Variants in GOLGB1 observed in about 807,000 individuals in gnomAD.
The protein encoded by GOLGB1 is golgin B1, also known as golgin subfamily B member 1.
In GOLGB1, 174 loss-of-function variants were observed where a neutral mutation model predicts 336.9. The ratio of observed to expected loss-of-function variants is 0.52; its 90% CI spans 0.46 to 0.59. GOLGB1 has a LOEUF of 0.59. GOLGB1 is among the 20% of genes least tolerant of loss of function. The pLI is 0.00. For missense variants in GOLGB1, 3,331 were observed against 3,645.3 expected (o/e 0.91, Z 2.22); for synonymous variants, 1,208 against 1,289.2 (o/e 0.94, Z 1.35).
intron 14 of GOLGB1, among the ~76,000 whole-genome samples, chr3:121,684,132 A>AAAAAAAAAAAAC (rs1941442686): frequency 6.8e-6 from 1 of 146,936 alleles, no homozygotes; most frequent in East Asian, 1.9e-4. Context: ...CGTCTCAAAA[A>AAAAAAAAAAAAC]AAAAAAAAAA....
chr3:121,692,024 A>G lies in GOLGB1; in HGVS notation c.7340T>C (p.Met2447Thr), dbSNP rs768207715. The change falls in exon 14 of 22, where the codon ATG (methionine) becomes ACG (threonine). Residue 2447 changes from methionine to threonine, a missense_variant. By Grantham distance (81) the Met-to-Thr change is moderately conservative. Coordinates refer to ENST00000614479, the MANE Select transcript of GOLGB1 (RefSeq NM_001366282.2). ...CTTTTTGATGGTTTTCAGTGTTTCC[A>G]TAAGCTGATTGGTTTTATCAACAGC... ...KKAVDKTNQL[M>T]ETLKTIKKEN... 2.5e-6 allele frequency: 4 copies of G among 1,613,440 alleles called. No homozygotes were observed. The South Asian group carries it at 4.4e-5, about 18-fold the overall frequency.
At chr3:121,672,392 AT>A (rs1344458927) in intron 17 of GOLGB1, among the ~76,000 whole-genome samples, 2 of 151,452 alleles carry the variant, frequency 1.3e-5, no homozygotes, top group Admixed American at 6.6e-5. Flanking sequence ...GATGCTGAGT[AT>A]TTTTTTTTAT....
In GOLGB1 at chr3:121,692,154, T is replaced by C. The variant is rs142945990; in HGVS notation, c.7210A>G (p.Ile2404Val). ...TCATGTTGCTGACGCAGTTCAGCAA[T>C]AGCTACTTGGATTGCCTCTTCCTTG... ...SGKEEAIQVA[I>V]AELRQQHDKE... The change falls in exon 14 of 22, where the codon ATT becomes GTT. Residue 2404 changes from isoleucine (I) to valine (V), a missense_variant. By Grantham distance (29) the Ile-to-Val change is conservative. Coordinates refer to ENST00000614479, the MANE Select transcript of GOLGB1 (RefSeq NM_001366282.2). 6 of 1,610,466 alleles carry C rather than the reference T, an allele frequency of 3.7e-6. No individual in the cohort carries two copies. The highest frequency in any genetic ancestry group is 5.1e-6 in the Non-Finnish European group (6 of 1,178,954).
intron 10 of GOLGB1, among the ~76,000 whole-genome samples, chr3:121,706,734 A>AG (rs1943878019): frequency 2.3e-5 from 1 of 42,688 alleles, no homozygotes; most frequent in Admixed American, 3.8e-4. Flanking sequence ...ACTCTGTCTC[A>AG]AAAAAAAAAA....
chr3:121,664,263 C>G lies in GOLGB1; in HGVS notation c.*217G>C. Reference sequence around the variant, plus strand: ...ATGTGATTCTCAGATTAAGCAGAAGCGTTCAGGCTCAGGGCAGTAGAAGAA... The same window carrying G: ...ATGTGATTCTCAGATTAAGCAGAAGGGTTCAGGCTCAGGGCAGTAGAAGAA... On this transcript the variant is annotated 3_prime_UTR_variant, in exon 22 of 22. Coordinates refer to ENST00000614479, the MANE Select transcript of GOLGB1 (RefSeq NM_001366282.2). 1 of 562,430 alleles carries G rather than the reference C, an allele frequency of 1.8e-6. No individual in the cohort carries two copies. 34.8% of individuals were successfully genotyped at this position (562,430 alleles called of 1,614,324 possible).
At chr3:121,741,483 T>G (rs1389314877) in intron 1 of GOLGB1, among the ~76,000 whole-genome samples, 1 of 152,208 alleles carries the variant, frequency 6.6e-6, no homozygotes, top group Non-Finnish European at 1.5e-5. Flanking sequence ...GGCCATACCA[T>G]CCTGAACACA....
In GOLGB1 at chr3:121,697,400, T is replaced by C. The variant is rs1236742021; in HGVS notation, c.3123A>G (p.Glu1041=). Residue 1041 remains glutamate, a synonymous_variant, in exon 13 of 22, where the codon GAA becomes GAG. Coordinates refer to ENST00000614479, the MANE Select transcript of GOLGB1 (RefSeq NM_001366282.2). ...EIPLSETERG[E]VEEDKENKEY... ...CTTTGTTTTCTTTATCTTCTTCCACTTCTCCCCTCTCAGTCTCACTGAGTG... is the reference window on the plus strand; with the variant it reads ...CTTTGTTTTCTTTATCTTCTTCCACCTCTCCCCTCTCAGTCTCACTGAGTG... 6.2e-7 allele frequency: 1 copy of C among 1,613,498 alleles called. No individual in the cohort carries two copies. The highest frequency in any genetic ancestry group is 1.7e-5 in the Admixed American group (1 of 60,006).
rs560504995 is a variant in GOLGB1, at chr3:121,684,060, G to A, written c.8695-2195C>T. ...GGAGAATCGCTTGAATTCAGGAGGC[G>A]GAGGTTGCAGTAAGCCAAGATCATG... is the stretch of plus-strand genomic sequence containing the variant. On this transcript the variant is annotated intron_variant, in intron 14 of 21. Coordinates refer to ENST00000614479, the MANE Select transcript of GOLGB1 (RefSeq NM_001366282.2). 1.8e-4 allele frequency among the ~76,000 whole-genome samples: 26 copies of A among 147,092 alleles called. No homozygotes were observed. The South Asian group carries it at 2.4e-3, about 13-fold the overall frequency.
At chr3:121,706,063 C>T (rs972759289) in intron 10 of GOLGB1, among the ~76,000 whole-genome samples, 2 of 151,264 alleles carry the variant, frequency 1.3e-5, no homozygotes, top group Admixed American at 6.6e-5. Flanking sequence ...ACTTGAACCC[C>T]GGAGGCAGAG....
At chr3:121,700,074 A>T (rs1316077613) in intron 11 of GOLGB1, among the ~76,000 whole-genome samples, 189 bp from the exon 12 acceptor site, 2 of 152,134 alleles carry the variant, frequency 1.3e-5, no homozygotes, top group Non-Finnish European at 2.9e-5. Flanking sequence ...AAGATAGAAC[A>T]GTACTAGGTG....
intron 1 of GOLGB1, among the ~76,000 whole-genome samples, chr3:121,746,275 T>G (rs906983023): frequency 6.6e-6 from 1 of 152,134 alleles, no homozygotes; most frequent in Non-Finnish European, 1.5e-5. Context: ...AATAACACAT[T>G]CGATATTATG....
rs984152677 is a variant in GOLGB1 at position 121,706,075 on chromosome 3, T to C, written c.1405-3480A>G. Among the ~76,000 whole-genome samples, 63 of 151,792 alleles carry C rather than the reference T, an allele frequency of 4.2e-4. 1 individual carries two copies. Among genetic ancestry groups the C allele is most frequent in the African/African-American group, 1.5e-3 (63 of 41,382 alleles). ...ATCACTTGAACCCCGGAGGCAGAGG[T>C]TGCAGTGAGCTGAGACTGCATCAAT... On this transcript the variant is annotated intron_variant, in intron 10 of 21. Coordinates refer to ENST00000614479, the MANE Select transcript of GOLGB1 (RefSeq NM_001366282.2).
At position 121,692,553 on chromosome 3, in the gene GOLGB1, A is replaced by G; in HGVS notation, c.6811T>C (p.Ser2271Pro). 1 of 1,594,742 alleles carries G rather than the reference A, an allele frequency of 6.3e-7. No individual in the cohort carries two copies. The highest frequency in any genetic ancestry group is 8.5e-7 in the Non-Finnish European group (1 of 1,173,552). ...RLEHDKQIWE[S>P]KAQTEVQLQQ... ...AGCTGGACCTCTGTCTGGGCCTTGG[A>G]CTCCCAAATCTGCTTGTCATGTTCA... is the stretch of plus-strand genomic sequence containing the variant. The change falls in exon 14 of 22, where the codon TCC becomes CCC. Residue 2271 changes from serine (S) to proline (P), a missense_variant. By Grantham distance (74) the Ser-to-Pro change is moderately conservative. Transcript: ENST00000614479.
intron 17 of GOLGB1, 90 bp downstream of exon 17, chr3:121,676,803 G>T: frequency 9.1e-7 from 1 of 1,104,264 alleles, no homozygotes; most frequent in Non-Finnish European, 1.4e-6. Context: ...TGCTACAGCT[G>T]GGACTCTATG....
At chr3:121,736,047 T>C (rs1288409464) in intron 1 of GOLGB1, among the ~76,000 whole-genome samples, 4 of 152,072 alleles carry the variant, frequency 2.6e-5, no homozygotes, top group Non-Finnish European at 5.9e-5. Context: ...AGTCACAGAA[T>C]AAATAACAAT....
At chr3:121,739,494 C>A (rs1946708116) in intron 1 of GOLGB1, among the ~76,000 whole-genome samples, 2 of 151,182 alleles carry the variant, frequency 1.3e-5, no homozygotes, top group Admixed American at 6.6e-5. Context: ...AATAGAAAAA[C>A]CCAGAAATAA....
chr3:121,742,920 C>G (rs1276801663), intron 1 of GOLGB1, among the ~76,000 whole-genome samples: 2 of 152,182 alleles, frequency 1.3e-5, no homozygotes, highest in Admixed American at 6.5e-5. Flanking sequence ...AATGAGATAC[C>G]ATCTCACACC....
At chr3:121,692,629 G>A (rs2107795650) in intron 13 of GOLGB1, 48 bp from the exon 14 acceptor site, 1 of 1,128,858 alleles carries the variant, frequency 8.9e-7, no homozygotes, top group Non-Finnish European at 1.3e-6. Context: ...GAAAAAAACT[G>A]TGTTTCCCAA....
Position 121,677,026 on chromosome 3 carries a change from G to T in GOLGB1, c.9044C>A (p.Ser3015Tyr). The stretch of plus-strand genomic sequence containing the variant: ...ATCTGGGGAAGCTGATGTCTCTGGG[G>T]ATGCCTGCCAGGACACAAACATTGA... ...PLKVQYQRQA[S>Y]PETSASPDGS... The change falls in exon 17 of 22, where the codon TCC becomes TAC. Residue 3015 changes from serine (S) to tyrosine (Y), a missense_variant. Coordinates refer to ENST00000614479, the MANE Select transcript of GOLGB1 (RefSeq NM_001366282.2). 1.9e-6 allele frequency: 3 copies of T among 1,613,922 alleles called. No individual in the cohort carries two copies. The highest frequency in any genetic ancestry group is 2.5e-6 in the Non-Finnish European group (3 of 1,179,898).
Sources: allele counts gnomAD v4.1 joint callset (sites outside exome capture counted in the v4.1 genomes callset), GRCh38; gene constraint gnomAD v4.1.1; transcripts MANE v1.5; gene names NCBI Gene and HGNC (gene_info 2026-07-23, HGNC 2026-07-21).